Variants in CAMK2B observed in about 807,000 individuals in gnomAD.
CAMK2B encodes the protein calcium/calmodulin-dependent protein kinase type II subunit beta.
Under a neutral mutation model 93.7 loss-of-function variants are expected in CAMK2B, and 27 were observed. The ratio of observed to expected loss-of-function variants is 0.29; its 90% CI spans 0.21 to 0.40. The LOEUF (loss-of-function observed/expected upper bound fraction) is 0.40, where lower values mean the gene tolerates loss of function less well. Among genes scored for constraint, CAMK2B ranks in the 10% least tolerant of loss-of-function variants. The pLI, the probability that CAMK2B is intolerant of heterozygous loss-of-function variation, is 1.00. For missense variants in CAMK2B, 568 were observed against 895.8 expected, an observed-to-expected ratio of 0.63 and a Z score of 4.67; for synonymous variants, 374 against 358.8, an observed-to-expected ratio of 1.04 and a Z score of -0.48.
intron 2 of CAMK2B, among the ~76,000 whole-genome samples, chr7:44,278,676 C>T (rs897878677): frequency 6.6e-5 from 10 of 152,218 alleles, no homozygotes; most frequent in African/African-American, 1.2e-4. Flanking sequence ...TGCCAAGCAT[C>T]CTTCCTCTAC....
At position 44,286,119 on chromosome 7, in the gene CAMK2B, G is replaced by C. The variant is rs1039918832; in HGVS notation, c.66-1894C>G. On this transcript the variant is annotated intron_variant, in intron 1 of 23. Coordinates refer to ENST00000395749, the MANE Select transcript of CAMK2B (RefSeq NM_001220.5). This position sits in a 1 kb window ranked among gnomAD's most constrained non-coding sequence, Gnocchi z 4.0. ...TAGACGGGGTGACACAGCTCTCTGA[G>C]CCTCAGTTTCCCCATCCATATGACT... 6.6e-6 allele frequency among the ~76,000 whole-genome samples: 1 copy of C among 152,108 alleles called. No individual in the cohort carries two copies. The highest frequency in any genetic ancestry group is 2.4e-5 in the African/African-American group (1 of 41,418).
chr7:44,250,381 C>T (rs75570265), intron 5 of CAMK2B, among the ~76,000 whole-genome samples: 4 of 152,180 alleles, frequency 2.6e-5, no homozygotes, highest in Admixed American at 1.3e-4. Flanking sequence ...ATGTTTTGAA[C>T]AGTTTAAGAT....
At chr7:44,221,285 C>T (rs2096401523) in intron 20 of CAMK2B, among the ~76,000 whole-genome samples, 2 of 152,216 alleles carry the variant, frequency 1.3e-5, no homozygotes, top group African/African-American at 2.4e-5. Flanking sequence ...CCCCTGGGCC[C>T]ACCAGGCCTG....
chr7:44,259,061 C>T lies in CAMK2B; in HGVS notation c.221-135G>A, dbSNP rs1308777638. On this transcript the variant is annotated intron_variant, in intron 3 of 23. Transcript: ENST00000395749. ...CCAGAGGATCGGGCTGGGTAGGGCC[C>T]GGGTGGGCAGGCCAGAGGGCAGGGC... The T allele has an allele frequency of 3.1e-5, 25 of 802,424 alleles. No individual in the cohort carries two copies. The East Asian group carries it at 3.5e-4, about 11-fold the overall frequency. The allele number at this position is 802,424 out of a possible 1,614,324, so 49.7% of individuals were successfully genotyped here.
At chr7:44,314,410 G>T (rs1794347401) in intron 1 of CAMK2B, among the ~76,000 whole-genome samples, 1 of 152,198 alleles carries the variant, frequency 6.6e-6, no homozygotes, top group African/African-American at 2.4e-5. Flanking sequence ...CACTGAGCAT[G>T]ACGTTTTGAA....
intron 5 of CAMK2B, 113 bp downstream of exon 5, chr7:44,254,429 C>T: frequency 1.3e-6 from 1 of 779,372 alleles, no homozygotes; most frequent in East Asian, 2.6e-5. Flanking sequence ...TGTGGGTGAG[C>T]AGGGATGCTC....
chr7:44,266,856 C>A (rs368327410), intron 2 of CAMK2B: 24 of 152,308 alleles, frequency 1.6e-4, no homozygotes, highest in African/African-American at 5.1e-4. Flanking sequence ...AGGTGCCACA[C>A]CTCTGCAGGT....
At chr7:44,244,725 C>G (rs2096714074) in intron 6 of CAMK2B, among the ~76,000 whole-genome samples, 1 of 151,734 alleles carries the variant, frequency 6.6e-6, no homozygotes, top group Middle Eastern at 3.4e-3. Flanking sequence ...TATGCTATCC[C>G]CATGTGGAAA....
In CAMK2B at chr7:44,319,818, G is replaced by C. The variant is rs77427522; in HGVS notation, c.65+5539C>G. On this transcript the variant is annotated intron_variant, in intron 1 of 23. Transcript: ENST00000395749. ...TCTGCTAAGAATTGGAAGGCACTTA[G>C]CTGAAGAAAAGACTTACTGACACGG... 2.6e-4 allele frequency among the ~76,000 whole-genome samples: 40 copies of C among 152,336 alleles called. No homozygotes were observed. In the East Asian group the frequency reaches 5.6e-3, roughly 21 times the overall value.
chr7:44,235,183 C>T (rs1051953505), intron 13 of CAMK2B, among the ~76,000 whole-genome samples: 1 of 152,374 alleles, frequency 6.6e-6, no homozygotes, highest in Non-Finnish European at 1.5e-5. Context: ...GGCGCTCACC[C>T]TGCTCTCAGA....
At chr7:44,309,439 C>A (rs1426955745) in intron 1 of CAMK2B, among the ~76,000 whole-genome samples, 1 of 152,178 alleles carries the variant, frequency 6.6e-6, no homozygotes, top group Non-Finnish European at 1.5e-5. Context: ...AGCCCCGGGG[C>A]CCACCCTTGC....
intron 13 of CAMK2B, among the ~76,000 whole-genome samples, chr7:44,239,155 A>G (rs1418092155): frequency 6.6e-6 from 1 of 152,178 alleles, no homozygotes; most frequent in Non-Finnish European, 1.5e-5. Flanking sequence ...CACCGTCTCC[A>G]TGCGGCCCCA....
intron 5 of CAMK2B, among the ~76,000 whole-genome samples, chr7:44,253,654 G>A (rs1164455916): frequency 6.6e-6 from 1 of 152,168 alleles, no homozygotes; most frequent in Non-Finnish European, 1.5e-5. Flanking sequence ...CTGGAGTGCA[G>A]TGGCACAATC....
intron 13 of CAMK2B, 58 bp from the exon 14 acceptor site, chr7:44,234,734 G>T: frequency 6.4e-7 from 1 of 1,562,178 alleles, no homozygotes; most frequent in Non-Finnish European, 8.8e-7. Context: ...TCGCTGCAGC[G>T]CAACCCCACC....
chr7:44,290,297 G>A (rs532440037), intron 1 of CAMK2B, among the ~76,000 whole-genome samples: 1 of 152,332 alleles, frequency 6.6e-6, no homozygotes, highest in South Asian at 2.1e-4. Context: ...CAGTTTTTGC[G>A]TCTGACGCTC....
At chr7:44,222,561 G>T (rs746668907) in intron 20 of CAMK2B, among the ~76,000 whole-genome samples, 1 of 151,930 alleles carries the variant, frequency 6.6e-6, no homozygotes, top group Non-Finnish European at 1.5e-5. Flanking sequence ...TCAGCCTCCC[G>T]AGTAGCTGGA....
chr7:44,281,629 G>GC (rs910570136), intron 2 of CAMK2B, among the ~76,000 whole-genome samples: 40 of 152,072 alleles, frequency 2.6e-4, no homozygotes, highest in African/African-American at 9.2e-4. Flanking sequence ...GGCGACATCT[G>GC]CCCCCCAGCA....
chr7:44,313,682 G>A (rs1236961133), intron 1 of CAMK2B, among the ~76,000 whole-genome samples: 1 of 148,988 alleles, frequency 6.7e-6, no homozygotes, highest in Non-Finnish European at 1.5e-5. Context: ...TGTGTCATGT[G>A]TCCCTGAACT....
intron 11 of CAMK2B, 72 bp from the exon 12 acceptor site, chr7:44,240,821 C>T (rs565107661): frequency 5.4e-6 from 8 of 1,473,812 alleles, no homozygotes; most frequent in African/African-American, 1.4e-5. Flanking sequence ...CAGGATAAGA[C>T]CCCTGTCCTC....
Sources: gnomAD v4.1 joint callset for allele counts (sites outside exome capture counted in the v4.1 genomes callset) on GRCh38, gnomAD v4.1.1 for gene constraint, Gnocchi (gnomAD v3.1) non-coding constraint, MANE v1.5 for transcripts, NCBI Gene and HGNC (gene_info 2026-07-23, HGNC 2026-07-21) for gene names.